Variants in DOK6 observed in about 807,000 individuals in gnomAD.
DOK6 encodes docking protein 6.
DOK6 carries 22 observed loss-of-function variants against 44.0 expected under a neutral mutation model. The observed-to-expected ratio is 0.50, with a 90% CI of 0.36 to 0.71. The LOEUF (loss-of-function observed/expected upper bound fraction) is 0.71, where lower values mean the gene tolerates loss of function less well. DOK6 is among the 30% of genes least tolerant of loss of function. The pLI is 0.00. For synonymous variants in DOK6, 166 were observed against 145.5 expected (o/e 1.14, Z -1.01); for missense variants, 340 against 416.4 (o/e 0.82, Z 1.60).
At chr18:69,750,043 T>TTATA (rs537248216) in intron 6 of DOK6, among the ~76,000 whole-genome samples, 4 of 146,742 alleles carry the variant, frequency 2.7e-5, no homozygotes, top group African/African-American at 5.0e-5. Context: ...AAAAGGCATT[T>TTATA]TATATATATA....
At chr18:69,819,819 T>C (rs2145122910) in intron 7 of DOK6, among the ~76,000 whole-genome samples, 1 of 152,302 alleles carries the variant, frequency 6.6e-6, no homozygotes, top group Admixed American at 6.5e-5. Context: ...TCCAGATTCA[T>C]TTGTGTTGTA....
chr18:69,408,244 A>G (rs1978292583), intron 1 of DOK6, among the ~76,000 whole-genome samples: 1 of 152,312 alleles, frequency 6.6e-6, no homozygotes, highest in African/African-American at 2.4e-5. Context: ...TTTCTTTGGT[A>G]TCTTGGTTTA....
intron 1 of DOK6, among the ~76,000 whole-genome samples, chr18:69,538,326 T>C (rs908939604): frequency 6.6e-6 from 1 of 152,154 alleles, no homozygotes; most frequent in Non-Finnish European, 1.5e-5. Flanking sequence ...TCATTGTTAA[T>C]ATTTTTTTCC....
chr18:69,481,111 G>C (rs2144530417), intron 1 of DOK6, among the ~76,000 whole-genome samples: 1 of 152,302 alleles, frequency 6.6e-6, no homozygotes, highest in East Asian at 1.9e-4. Context: ...CAGGCACTTG[G>C]AAGAGAAGGA....
chr18:69,617,663 A>T lies in DOK6; in HGVS notation c.289+18165A>T, dbSNP rs553160377. 4.2e-5 allele frequency among the ~76,000 whole-genome samples: 5 copies of T among 118,820 alleles called. No individual in the cohort carries two copies. In the South Asian group the frequency reaches 1.2e-3, roughly 28 times the overall value. The allele number at this position is 118,820 out of a possible 152,430, so 78.0% of individuals were successfully genotyped here. A position where few individuals can be genotyped will look rare whatever the true frequency, so the allele number is the denominator to read the frequency against. On this transcript the variant is annotated intron_variant, in intron 3 of 7. Transcript: ENST00000382713. ...AGGAAGGAAGGAGGGGAAAAGAGCG[A>T]TAAGAGAAAAGAAGAAAAAGAAAGA...
intron 5 of DOK6, among the ~76,000 whole-genome samples, chr18:69,723,693 A>C: frequency 6.6e-6 from 1 of 152,210 alleles, no homozygotes. Flanking sequence ...TCATAATCAC[A>C]CTGATAGTAT....
chr18:69,513,118 C>G (rs56386984), intron 1 of DOK6, among the ~76,000 whole-genome samples: 1 of 148,878 alleles, frequency 6.7e-6, no homozygotes, highest in African/African-American at 2.5e-5. Context: ...TAACAAAGCT[C>G]GTTCACTAAA....
At chr18:69,833,699 C>G (rs1981965491) in intron 7 of DOK6, among the ~76,000 whole-genome samples, 1 of 151,968 alleles carries the variant, frequency 6.6e-6, no homozygotes, top group Non-Finnish European at 1.5e-5. Flanking sequence ...ATAAATAACT[C>G]AAACAACTCA....
At chr18:69,599,574 A>T in intron 3 of DOK6, 76 bp downstream of exon 3, 1 of 1,132,350 alleles carries the variant, frequency 8.8e-7, no homozygotes, top group African/African-American at 1.6e-5. Context: ...GGATTAAGGT[A>T]CACTATTGAA....
chr18:69,410,632 C>T (rs894966122), intron 1 of DOK6, among the ~76,000 whole-genome samples: 4 of 152,184 alleles, frequency 2.6e-5, no homozygotes, highest in African/African-American at 4.8e-5. Context: ...ATGTAACGAA[C>T]GTGAGTAAAT....
At chr18:69,434,954 G>GGAAGGAAGGAAGGAAGGAA (rs1568256358) in intron 1 of DOK6, among the ~76,000 whole-genome samples, 1,115 of 62,918 alleles carry the variant, frequency 0.018, 38 homozygotes, top group Admixed American at 0.05. Flanking sequence ...GAGGGAGGGA[G>GGAAGGAAGGAAGGAAGGAA]GGAAGGAAGG....
chr18:69,647,999 A>G (rs1389335819), intron 3 of DOK6, among the ~76,000 whole-genome samples: 3 of 152,128 alleles, frequency 2.0e-5, no homozygotes, highest in Admixed American at 6.5e-5. Context: ...TTATTTTAGG[A>G]CAGGATTACA....
intron 3 of DOK6, among the ~76,000 whole-genome samples, chr18:69,633,312 A>C (rs1984730627): frequency 1.3e-5 from 2 of 152,232 alleles, no homozygotes; most frequent in Non-Finnish European, 1.5e-5. Context: ...ATGGTAAGAT[A>C]GTTTAAGAAA....
chr18:69,657,109 G>A (rs11663004), intron 3 of DOK6, among the ~76,000 whole-genome samples: 64,197 of 152,010 alleles, frequency 0.42, 14,034 homozygotes, highest in Admixed American at 0.53. Flanking sequence ...ATCTCCAATT[G>A]AATTGAAAAC....
At chr18:69,813,396 T>C (rs13353231) in intron 7 of DOK6, among the ~76,000 whole-genome samples, 1 of 152,162 alleles carries the variant, frequency 6.6e-6, no homozygotes, top group Admixed American at 6.6e-5. Flanking sequence ...GAAGGCTAGA[T>C]TGTTGTCCTG....
intron 7 of DOK6, among the ~76,000 whole-genome samples, chr18:69,790,849 T>A (rs918681629): frequency 6.6e-6 from 1 of 152,118 alleles, no homozygotes; most frequent in African/African-American, 2.4e-5. Flanking sequence ...ACTGTGGCCA[T>A]CCTGTTGTGC....
chr18:69,714,502 T>C lies in DOK6; in HGVS notation c.599+15909T>C, dbSNP rs114781290. On this transcript the variant is annotated intron_variant, in intron 5 of 7. Transcript: ENST00000382713. The stretch of plus-strand genomic sequence containing the variant: ...CTCTTGATAATTTCATCCTTTTTAT[T>C]GGCTCATGCACCAATATGCTCAAAA... 1.8e-3 allele frequency among the ~76,000 whole-genome samples: 271 copies of C among 152,322 alleles called. 1 individual carries two copies. Among genetic ancestry groups the C allele is most frequent in the African/African-American group, 6.3e-3 (262 of 41,570 alleles).
intron 7 of DOK6, among the ~76,000 whole-genome samples, chr18:69,790,055 A>G (rs1347919507): frequency 6.6e-6 from 1 of 152,172 alleles, no homozygotes; most frequent in Non-Finnish European, 1.5e-5. Context: ...GAGTTGAACA[A>G]GAGGTACAGA....
intron 2 of DOK6, among the ~76,000 whole-genome samples, chr18:69,583,044 C>A (rs1983406386): frequency 6.6e-6 from 1 of 152,172 alleles, no homozygotes; most frequent in East Asian, 1.9e-4. Flanking sequence ...TCCTTGTGAC[C>A]CAGTGTGAGA....
Sources: allele counts gnomAD v4.1 joint callset (sites outside exome capture counted in the v4.1 genomes callset), GRCh38; gene constraint gnomAD v4.1.1; transcripts MANE v1.5; gene names NCBI Gene and HGNC (gene_info 2026-07-23, HGNC 2026-07-21).